SETBP1: variants seen among roughly 807,000 people sequenced by gnomAD.
SETBP1 encodes the protein SET-binding protein.
Under a neutral mutation model 101.0 loss-of-function variants are expected in SETBP1, and 9 were observed. That is an observed-to-expected ratio of 0.09 (90% CI 0.05 to 0.16). The LOEUF is 0.16. Among genes scored for constraint, SETBP1 ranks in the 10% least tolerant of loss-of-function variants. SETBP1 has a pLI of 1.00. For synonymous variants in SETBP1, 818 were observed against 788.5 expected (o/e 1.04, Z -0.63); for missense variants, 1,858 against 2,033.8 (o/e 0.91, Z 1.66).
chr18:44,997,154 C>T (rs2072515072), intron 4 of SETBP1, among the ~76,000 whole-genome samples: 1 of 152,052 alleles, frequency 6.6e-6, no homozygotes, highest in African/African-American at 2.4e-5. Flanking sequence ...ACTGCATCCC[C>T]CATCAGGCTG....
chr18:44,970,543 T>C (rs2071822368), intron 4 of SETBP1, among the ~76,000 whole-genome samples: 1 of 152,202 alleles, frequency 6.6e-6, no homozygotes, highest in South Asian at 2.1e-4. Context: ...TTGGTATAAT[T>C]ACAAATGCAC....
intron 2 of SETBP1, among the ~76,000 whole-genome samples, chr18:44,736,133 C>T (rs989370236): frequency 1.3e-5 from 2 of 152,078 alleles, no homozygotes; most frequent in African/African-American, 4.8e-5. Flanking sequence ...GCCTGTAATC[C>T]CAGCACTTTG....
At chr18:44,942,121 T>C (rs2071101471) in intron 3 of SETBP1, among the ~76,000 whole-genome samples, 1 of 152,222 alleles carries the variant, frequency 6.6e-6, no homozygotes, top group African/African-American at 2.4e-5. Flanking sequence ...TCGAGAGTTC[T>C]TTTCAGAATT....
At chr18:44,795,609 G>A (rs553190392) in intron 2 of SETBP1, among the ~76,000 whole-genome samples, 1 of 152,194 alleles carries the variant, frequency 6.6e-6, no homozygotes, top group East Asian at 1.9e-4. Flanking sequence ...AAAGGCTACA[G>A]ATAACAGGTG....
At chr18:44,918,691 A>G (rs1235941308) in intron 3 of SETBP1, among the ~76,000 whole-genome samples, 1 of 152,204 alleles carries the variant, frequency 6.6e-6, no homozygotes, top group Non-Finnish European at 1.5e-5. Flanking sequence ...GTGCAGTTCT[A>G]CCTAGTGCAC....
chr18:45,053,811 A>G (rs941680495), intron 5 of SETBP1, among the ~76,000 whole-genome samples: 1 of 152,082 alleles, frequency 6.6e-6, no homozygotes, highest in Non-Finnish European at 1.5e-5. Flanking sequence ...TCTCACAATC[A>G]GGTAAGAACA....
At chr18:44,708,989 G>A (rs547481704) in intron 2 of SETBP1, among the ~76,000 whole-genome samples, 2 of 152,298 alleles carry the variant, frequency 1.3e-5, no homozygotes, top group South Asian at 4.1e-4. Flanking sequence ...AAAATCATGG[G>A]AGCAAGGGTC....
chr18:44,873,653 G>A (rs966218235), intron 3 of SETBP1, among the ~76,000 whole-genome samples: 1 of 152,112 alleles, frequency 6.6e-6, no homozygotes, highest in African/African-American at 2.4e-5. Flanking sequence ...GCTTGGTGTG[G>A]TTTAATTGTG....
intron 4 of SETBP1, among the ~76,000 whole-genome samples, chr18:45,000,713 A>G (rs1250070518): frequency 6.6e-6 from 1 of 152,120 alleles, no homozygotes; most frequent in Non-Finnish European, 1.5e-5. Context: ...GTAAGGGAAT[A>G]TGATGAAAAC....
chr18:44,731,062 A>G (rs1243276439), intron 2 of SETBP1, among the ~76,000 whole-genome samples: 1 of 152,006 alleles, frequency 6.6e-6, no homozygotes, highest in Non-Finnish European at 1.5e-5. Flanking sequence ...GACCCTGGTG[A>G]CTGGGCTGGG....
rs551089673 is a variant in SETBP1, at chr18:44,711,624, C to T, written c.486+9792C>T. ...TACTGCAGCCTCAAACTCCTGGGCT[C>T]AAGTGATCCTTTCAGCTCAGCCTAC... On this transcript the variant is annotated intron_variant, in intron 2 of 5. Coordinates refer to ENST00000649279, the MANE Select transcript of SETBP1 (RefSeq NM_015559.3). Among the ~76,000 whole-genome samples, 94 of 151,328 alleles carry T rather than the reference C, an allele frequency of 6.2e-4. 3 individuals carry two copies. Among genetic ancestry groups the T allele is most frequent in the Non-Finnish European group, 1.3e-4 (9 of 67,860 alleles).
chr18:44,781,707 C>A (rs1012397203), intron 2 of SETBP1, among the ~76,000 whole-genome samples: 2 of 152,156 alleles, frequency 1.3e-5, no homozygotes, highest in Non-Finnish European at 2.9e-5. Flanking sequence ...AGATTTTGAA[C>A]CCATGTGTTA....
chr18:44,772,285 C>T (rs572562623), intron 2 of SETBP1, among the ~76,000 whole-genome samples: 4 of 152,254 alleles, frequency 2.6e-5, no homozygotes, highest in African/African-American at 4.8e-5. Flanking sequence ...GCAGTGCGAG[C>T]GCCATTTCAC....
chr18:44,706,070 G>C (rs2069210077), intron 2 of SETBP1, among the ~76,000 whole-genome samples: 1 of 152,160 alleles, frequency 6.6e-6, no homozygotes, highest in African/African-American at 2.4e-5. Flanking sequence ...AGAGGCTGAG[G>C]GGAGAGCTCA....
chr18:44,969,744 A>G (rs2071800563), intron 4 of SETBP1, among the ~76,000 whole-genome samples: 1 of 152,164 alleles, frequency 6.6e-6, no homozygotes, highest in Non-Finnish European at 1.5e-5. Context: ...ACCCCTCACA[A>G]CATCCTCCTG....
chr18:44,933,446 C>T (rs575835107), intron 3 of SETBP1, among the ~76,000 whole-genome samples: 3 of 152,338 alleles, frequency 2.0e-5, no homozygotes, highest in Admixed American at 2.0e-4. Context: ...ATCTCAAACT[C>T]CATGCTGGAA....
chr18:44,896,105 C>T (rs2069896498), intron 3 of SETBP1, among the ~76,000 whole-genome samples: 1 of 152,060 alleles, frequency 6.6e-6, no homozygotes, highest in African/African-American at 2.4e-5. Flanking sequence ...TTAACTTTGC[C>T]GGTTGTCAGT....
chr18:44,727,606 C>T (rs907753345), intron 2 of SETBP1, among the ~76,000 whole-genome samples: 9 of 152,186 alleles, frequency 5.9e-5, no homozygotes, highest in Non-Finnish European at 1.0e-4. Flanking sequence ...CAATCATTTA[C>T]GCAACCCCTA....
At chr18:44,918,082 C>G (rs1188719972) in intron 3 of SETBP1, among the ~76,000 whole-genome samples, 1 of 152,150 alleles carries the variant, frequency 6.6e-6, no homozygotes, top group East Asian at 1.9e-4. Context: ...AAAATCCTTC[C>G]CGGTGCTGCC....
Sources: allele counts gnomAD v4.1 joint callset (sites outside exome capture counted in the v4.1 genomes callset), GRCh38; gene constraint gnomAD v4.1.1; transcripts MANE v1.5; gene names NCBI Gene and HGNC (gene_info 2026-07-23, HGNC 2026-07-21).